Variants in POFUT4 observed in about 807,000 individuals in gnomAD.
POFUT4 encodes the protein GDP-fucose protein O-fucosyltransferase 4.
chr10:73,772,587 T>C, the POFUT4 span: 1 of 1,584,402 alleles, frequency 6.3e-7, no homozygotes, highest in Non-Finnish European at 8.6e-7. Flanking sequence ...AGCCCAGGGC[T>C]ATTCCCCCAC....
At chr10:73,779,174 C>T in the POFUT4 span, 1,931 of 151,698 alleles carry the variant, frequency 0.013, 52 homozygotes, top group African/African-American at 0.044. Context: ...GCAGGAAGAT[C>T]GCTTGAGCCC....
chr10:73,772,694 C>A, the POFUT4 span: 1 of 1,572,958 alleles, frequency 6.4e-7, no homozygotes, highest in Non-Finnish European at 8.6e-7. Context: ...GCGCGCGCTG[C>A]TCTTCTACGG....
At chr10:73,772,447 G>C in the POFUT4 span, 5 of 1,563,654 alleles carry the variant, frequency 3.2e-6, no homozygotes, top group Non-Finnish European at 4.3e-6. Flanking sequence ...AGGCGGAGTG[G>C]GCGGAACCGT....
the POFUT4 span, chr10:73,773,484 G>T: frequency 1.2e-4 from 195 of 1,614,116 alleles, no homozygotes; most frequent in Non-Finnish European, 1.6e-4. Flanking sequence ...GAAGCTGGCA[G>T]AGTTTATTGA....
the POFUT4 span, chr10:73,772,555 C>T: frequency 1.7e-5 from 26 of 1,574,408 alleles, no homozygotes; most frequent in African/African-American, 1.7e-4. Context: ...AGGCGGGGGA[C>T]TTGCCGGTAC....
At chr10:73,778,785 A>G in the POFUT4 span, 1 of 152,208 alleles carries the variant, frequency 6.6e-6, no homozygotes, top group South Asian at 2.1e-4. Flanking sequence ...GATGATCTTC[A>G]TAAATTACAG....
chr10:73,772,311 G>C, the POFUT4 span: 1 of 1,417,588 alleles, frequency 7.1e-7, no homozygotes, highest in Non-Finnish European at 9.2e-7. Flanking sequence ...CTGGCCGAGG[G>C]GGCGCCGGCT....
chr10:73,775,461 T>G, the POFUT4 span: 4 of 1,613,978 alleles, frequency 2.5e-6, no homozygotes, highest in Non-Finnish European at 3.4e-6. Context: ...GCTTAAGATT[T>G]CTTTGGCCCC....
the POFUT4 span, chr10:73,775,860 A>T: frequency 6.2e-6 from 4 of 643,220 alleles, no homozygotes; most frequent in Non-Finnish European, 1.1e-5. Flanking sequence ...AAGGTCTAAC[A>T]TAGGGCCTCT....
chr10:73,772,306 C>G, the POFUT4 span: 5 of 1,411,604 alleles, frequency 3.5e-6, no homozygotes, highest in Non-Finnish European at 4.6e-6. Flanking sequence ...CGGTGCTGGC[C>G]GAGGGGGCGC....
the POFUT4 span, chr10:73,775,103 C>A: frequency 3.3e-6 from 1 of 303,964 alleles, no homozygotes; most frequent in Non-Finnish European, 6.1e-6. Flanking sequence ...AATAAATATT[C>A]AGGTTATGTC....
chr10:73,777,163 T>C, the POFUT4 span, among the ~76,000 whole-genome samples: 1 of 152,220 alleles, frequency 6.6e-6, no homozygotes, highest in Non-Finnish European at 1.5e-5. Flanking sequence ...GTCAATTTAA[T>C]GTATTGCCCT....
the POFUT4 span, chr10:73,774,873 GATT>G: frequency 6.4e-6 from 1 of 156,342 alleles, no homozygotes; most frequent in African/African-American, 2.4e-5. Flanking sequence ...GAGGTGATAA[GATT>G]ATTAAGCTGA....
the POFUT4 span, among the ~76,000 whole-genome samples, chr10:73,778,418 G>A: frequency 1.2e-4 from 17 of 143,356 alleles, no homozygotes; most frequent in East Asian, 6.5e-4. Flanking sequence ...AAAAAGCTTA[G>A]TCAGATTTGG....
the POFUT4 span, chr10:73,774,054 T>C: frequency 4.0e-6 from 2 of 500,988 alleles, no homozygotes; most frequent in Non-Finnish European, 7.0e-6. Context: ...ATGTTTCCAG[T>C]AGTGGTTCAA....
At chr10:73,778,202 G>A in the POFUT4 span, among the ~76,000 whole-genome samples, 1 of 150,800 alleles carries the variant, frequency 6.6e-6, no homozygotes, top group Non-Finnish European at 1.5e-5. Flanking sequence ...AGGGGATGAG[G>A]AGGTTTAAGC....
At chr10:73,772,711 C>G in the POFUT4 span, 1 of 1,584,554 alleles carries the variant, frequency 6.3e-7, no homozygotes. Context: ...ACGGCACAGA[C>G]TTCCGCGCGT....
At chr10:73,774,146 A>G in the POFUT4 span, 1 of 238,876 alleles carries the variant, frequency 4.2e-6, no homozygotes, top group African/African-American at 2.3e-5. Context: ...GGCTATAAAT[A>G]TCATTAATAC....
At chr10:73,772,713 T>G in the POFUT4 span, 2 of 1,585,230 alleles carry the variant, frequency 1.3e-6, no homozygotes, top group South Asian at 1.1e-5. Context: ...GGCACAGACT[T>G]CCGCGCGTCG....
Sources: gnomAD v4.1 joint callset for allele counts (sites outside exome capture counted in the v4.1 genomes callset) on GRCh38, gnomAD v4.1.1 for gene constraint, MANE v1.5 for transcripts, NCBI Gene and HGNC (gene_info 2026-07-23, HGNC 2026-07-21) for gene names.